ZNF577: variants seen among roughly 807,000 people sequenced by gnomAD.
ZNF577 encodes the protein zinc finger protein 577.
Under a neutral mutation model 13.9 loss-of-function variants are expected in ZNF577, and 14 were observed. The ratio of observed to expected loss-of-function variants is 1.00; its 90% CI spans 0.66 to 1.57. The LOEUF is 1.57. Among genes scored for constraint, ZNF577 ranks in the 40% most tolerant of loss-of-function variants. The pLI, the probability that ZNF577 is intolerant of heterozygous loss-of-function variation, is 0.00. For missense variants in ZNF577, 555 were observed against 579.2 expected, an observed-to-expected ratio of 0.96 and a Z score of 0.43; for synonymous variants, 203 against 202.9, an observed-to-expected ratio of 1.00 and a Z score of 0.00.
chr19:51,848,230 C>G (rs1312067170), intron 5 of ZNF577, among the ~76,000 whole-genome samples: 1 of 152,200 alleles, frequency 6.6e-6, no homozygotes, highest in Non-Finnish European at 1.5e-5. Context: ...CCTGACCAAT[C>G]AGAACACACC....
chr19:51,813,119 AACACACACACAC>A lies in ZNF577; in HGVS notation c.*600-1457_*600-1446del, dbSNP rs35245083. Among the ~76,000 whole-genome samples the A allele has an allele frequency of 6.7e-3, 914 of 137,206 alleles. 9 individuals are homozygous for A. The highest frequency in any genetic ancestry group is 0.021 in the African/African-American group (776 of 37,360). 90.0% of individuals were successfully genotyped at this position (137,206 alleles called of 152,430 possible). ...GGGTGACAGAGTGATGCTCTGTCTC[AACACACACACAC>A]ACACACACACACACACACACACACA... On this transcript the variant is annotated intron_variant and NMD_transcript_variant, in intron 9 of 10. Transcript: ENST00000638827.
intron 5 of ZNF577, among the ~76,000 whole-genome samples, chr19:51,857,408 AAG>A (rs1491208235): frequency 4.1e-4 from 51 of 124,960 alleles, no homozygotes; most frequent in East Asian, 2.3e-3. Flanking sequence ...GAAAGAAAGA[AAG>A]AAAGAAAGAA....
intron 3 of ZNF577, among the ~76,000 whole-genome samples, chr19:51,879,530 C>T (rs28409083): frequency 0.22 from 33,599 of 151,962 alleles, 4,533 homozygotes; most frequent in South Asian, 0.41. Flanking sequence ...GATTGCGCCA[C>T]TGCACTCCAG....
At chr19:51,855,248 G>C (rs527485651) in intron 5 of ZNF577, among the ~76,000 whole-genome samples, 1 of 152,222 alleles carries the variant, frequency 6.6e-6, no homozygotes, top group Non-Finnish European at 1.5e-5. Context: ...GGCATTCCTG[G>C]AGTAATTTAT....
At chr19:51,841,203 G>A (rs1019345923) in intron 8 of ZNF577, among the ~76,000 whole-genome samples, 2 of 152,174 alleles carry the variant, frequency 1.3e-5, no homozygotes, top group Non-Finnish European at 2.9e-5. Flanking sequence ...CTGGGAACAT[G>A]TCCCCCCAGG....
chr19:51,881,019 G>C (rs944901145), intron 1 of ZNF577, 142 bp from the exon 2 acceptor site: 1 of 152,356 alleles, frequency 6.6e-6, no homozygotes, highest in Non-Finnish European at 1.5e-5. Flanking sequence ...TTACATCATG[G>C]GGCAGTGATC....
At chr19:51,829,711 G>A (rs1029246861) in intron 9 of ZNF577, among the ~76,000 whole-genome samples, 2 of 152,194 alleles carry the variant, frequency 1.3e-5, no homozygotes, top group Non-Finnish European at 2.9e-5. Context: ...TCAGTGTGTT[G>A]ATAAAGGAGA....
At chr19:51,837,689 G>C (rs2084295720) in intron 9 of ZNF577, among the ~76,000 whole-genome samples, 1 of 151,486 alleles carries the variant, frequency 6.6e-6, no homozygotes, top group African/African-American at 2.4e-5. Context: ...TGAGGTGAGT[G>C]GCTGTCAGGG....
chr19:51,886,320 C>G (rs1387254614), intron 1 of ZNF577: 31 of 152,142 alleles, frequency 2.0e-4, no homozygotes, highest in Admixed American at 2.0e-3. Context: ...ACATATTCAT[C>G]ATGTGACTTC....
chr19:51,836,323 T>C (rs2084286956), intron 9 of ZNF577, among the ~76,000 whole-genome samples: 1 of 151,912 alleles, frequency 6.6e-6, no homozygotes. Flanking sequence ...CTTAAGGTGG[T>C]AAAAACAGTG....
intron 8 of ZNF577, among the ~76,000 whole-genome samples, chr19:51,841,430 C>T (rs13346665): frequency 0.076 from 11,588 of 152,140 alleles, 662 homozygotes; most frequent in South Asian, 0.22. Flanking sequence ...GAAAAACCAG[C>T]CTTCATGGCC....
chr19:51,848,218 G>T (rs558437529), intron 5 of ZNF577, among the ~76,000 whole-genome samples: 2 of 152,092 alleles, frequency 1.3e-5, no homozygotes, highest in Non-Finnish European at 2.9e-5. Context: ...CTAGTCTTCC[G>T]ACCTGACCAA....
In ZNF577 at chr19:51,872,916, T is replaced by C. The variant is rs781469007; in HGVS notation, c.1074A>G (p.Glu358=). 8 of 1,614,120 alleles carry C rather than the reference T, an allele frequency of 5.0e-6. No individual in the cohort carries two copies. The African/African-American group carries it at 9.3e-5, about 19-fold the overall frequency. The change falls in exon 6 of 6, where the codon GAA becomes GAG. Residue 358 remains glutamate (E), a synonymous_variant. Transcript: ENST00000638348. ...ACATGTGGGCAAAGGCTTTGCCACA[T>C]TCTCTGCATGAATATGGTCTCTCTC... ...HTGERPYSCR[E]CGKAFAHMSV... is the part of the protein sequence containing the mutation.
At position 51,868,672 on chromosome 19, in the gene ZNF577, A is replaced by C. The variant is rs1169922770; in HGVS notation, c.*3860T>G. Among the ~76,000 whole-genome samples, 2 of 152,032 alleles carry C rather than the reference A, an allele frequency of 1.3e-5. No individual in the cohort carries two copies. Among genetic ancestry groups the C allele is most frequent in the Non-Finnish European group, 2.9e-5 (2 of 68,016 alleles). On this transcript the variant is annotated 3_prime_UTR_variant, in exon 6 of 6. Coordinates refer to ENST00000638348, the MANE Select transcript of ZNF577 (RefSeq NM_001370449.1). The stretch of plus-strand genomic sequence containing the variant: ...AAGGTTCTGACTACTACCGTCTTCA[A>C]CTGCCTTGAACACCCAGATAGAATT...
At chr19:51,874,810 G>A (rs10422471) in intron 5 of ZNF577, among the ~76,000 whole-genome samples, 2,219 of 152,264 alleles carry the variant, frequency 0.015, 57 homozygotes, top group African/African-American at 0.051. Context: ...AATTACAATG[G>A]AGATGGAGAA....
downstream of ZNF577, among the ~76,000 whole-genome samples, chr19:51,866,974 AAGAAAG>A (rs1247891789): frequency 6.8e-6 from 1 of 147,420 alleles, no homozygotes; most frequent in African/African-American, 2.6e-5. Context: ...GATAAGAAGA[AAGAAAG>A]AGAGAGAGAG....
intron 5 of ZNF577, chr19:51,861,888 G>A (rs182389034): frequency 1.3e-5 from 2 of 152,414 alleles, no homozygotes; most frequent in South Asian, 2.1e-4. Context: ...CTACATTTGA[G>A]GAGTTTCTCA....
chr19:51,876,570 G>A (rs1053783588), intron 5 of ZNF577, among the ~76,000 whole-genome samples: 2 of 152,090 alleles, frequency 1.3e-5, no homozygotes, highest in African/African-American at 4.8e-5. Flanking sequence ...GTGATTTTCA[G>A]TGAAGGAAAT....
Position 51,824,621 on chromosome 19 carries a change from C to G in ZNF577, c.*600-12947G>C. 6.2e-7 allele frequency: 1 copy of G among 1,614,062 alleles called. No individual in the cohort carries two copies. Among genetic ancestry groups the G allele is most frequent in the Non-Finnish European group, 8.5e-7 (1 of 1,179,994 alleles). On this transcript the variant is annotated intron_variant and NMD_transcript_variant, in intron 9 of 10. Transcript: ENST00000638827. The surrounding 1 kb of genome is among the most constrained non-coding windows in gnomAD (Gnocchi z 4.7). ...TGATTAACCCAACAAGCTCCTTGGCCTTTTTTAACAGCTGCCTCAACCCAA... is the reference window on the plus strand; with the variant it reads ...TGATTAACCCAACAAGCTCCTTGGCGTTTTTTAACAGCTGCCTCAACCCAA...
Sources: allele counts gnomAD v4.1 joint callset (sites outside exome capture counted in the v4.1 genomes callset), GRCh38; gene constraint gnomAD v4.1.1; non-coding constraint Gnocchi (gnomAD v3.1); transcripts MANE v1.5; gene names NCBI Gene and HGNC (gene_info 2026-07-23, HGNC 2026-07-21).